Variants in SLC19A2 observed in about 807,000 individuals in gnomAD.
SLC19A2 encodes the protein solute carrier family 19 member 2.
SLC19A2 carries 27 observed loss-of-function variants against 44.7 expected under a neutral mutation model. The ratio of observed to expected loss-of-function variants is 0.60; its 90% CI spans 0.45 to 0.83. The LOEUF (loss-of-function observed/expected upper bound fraction) is 0.83. SLC19A2 is among the 40% of genes least tolerant of loss of function. SLC19A2 has a pLI of 0.00. For synonymous variants in SLC19A2, 239 were observed against 243.6 expected, an observed-to-expected ratio of 0.98 and a Z score of 0.18; for missense variants, 566 against 613.7, an observed-to-expected ratio of 0.92 and a Z score of 0.82.
intron 4 of SLC19A2, 57 bp from the exon 5 acceptor site, chr1:169,468,309 A>G (rs908297602): frequency 1.4e-6 from 2 of 1,399,006 alleles, no homozygotes; most frequent in African/African-American, 1.5e-5. Context: ...TACTTATAAT[A>G]TTTATTCTAA....
intron 1 of SLC19A2, among the ~76,000 whole-genome samples, chr1:169,481,211 C>T (rs1241795823): frequency 6.6e-6 from 1 of 152,212 alleles, no homozygotes; most frequent in African/African-American, 2.4e-5. Flanking sequence ...TTAATCCAAA[C>T]CACAAACCTA....
intron 1 of SLC19A2, among the ~76,000 whole-genome samples, chr1:169,478,293 G>A (rs1473173615): frequency 6.6e-6 from 1 of 151,574 alleles, no homozygotes; most frequent in Admixed American, 6.6e-5. Context: ...TATTCAGAAA[G>A]ACTTTGCGGA....
At chr1:169,481,611 A>T (rs1196607438) in intron 1 of SLC19A2, among the ~76,000 whole-genome samples, 3 of 152,212 alleles carry the variant, frequency 2.0e-5, no homozygotes, top group African/African-American at 7.2e-5. Flanking sequence ...AACATCCTAC[A>T]GGCAAAAATG....
chr1:169,480,777 C>G (rs1658425821), intron 1 of SLC19A2, among the ~76,000 whole-genome samples: 1 of 152,180 alleles, frequency 6.6e-6, no homozygotes, highest in South Asian at 2.1e-4. Context: ...GACCTCTTCA[C>G]TCCAATAATA....
chr1:169,467,130 G>C (rs1658011916), intron 5 of SLC19A2, among the ~76,000 whole-genome samples: 1 of 152,136 alleles, frequency 6.6e-6, no homozygotes, highest in South Asian at 2.1e-4. Context: ...TCCCTCAACT[G>C]TAATAGTCCT....
intron 1 of SLC19A2, among the ~76,000 whole-genome samples, chr1:169,483,696 T>A (rs1288730374): frequency 6.6e-6 from 1 of 152,220 alleles, no homozygotes; most frequent in African/African-American, 2.4e-5. Context: ...CACAGCAACC[T>A]TCTACCCAGA....
chr1:169,470,046 T>C lies in SLC19A2; in HGVS notation c.948A>G (p.Thr316=). ...GCATCACTTTCTCCCACAGGCCCTG[T>C]GTGTAGTTCACAACTTGAAAATAGC... ...TCGYFQVVNY[T]QGLWEKVMPS... The change falls in exon 3 of 6, where the codon ACA becomes ACG. Residue 316 remains threonine, a synonymous_variant. Transcript: ENST00000236137. The C allele has an allele frequency of 6.2e-7, 1 of 1,614,020 alleles. No individual in the cohort carries two copies. Among genetic ancestry groups the C allele is most frequent in the Non-Finnish European group, 8.5e-7 (1 of 1,179,942 alleles).
chr1:169,466,403 G>A (rs1446903567), intron 5 of SLC19A2, among the ~76,000 whole-genome samples: 1 of 150,846 alleles, frequency 6.6e-6, no homozygotes, highest in East Asian at 1.9e-4. Flanking sequence ...GCTGATAGGT[G>A]GGTACAAATA....
At chr1:169,468,529 C>G in intron 4 of SLC19A2, 115 bp downstream of exon 4, 1 of 853,582 alleles carries the variant, frequency 1.2e-6, no homozygotes, top group East Asian at 2.6e-5. Context: ...TAATACAATG[C>G]TTCCTCCCAT....
chr1:169,473,750 T>A (rs1378435780), intron 2 of SLC19A2, among the ~76,000 whole-genome samples: 1 of 140,506 alleles, frequency 7.1e-6, no homozygotes, highest in Non-Finnish European at 1.5e-5. Flanking sequence ...ATGATGATGA[T>A]GAAGATGACC....
intron 1 of SLC19A2, among the ~76,000 whole-genome samples, chr1:169,478,599 C>T (rs963660561): frequency 1.4e-5 from 2 of 142,180 alleles, no homozygotes; most frequent in Non-Finnish European, 3.0e-5. Flanking sequence ...TCTCAAACTC[C>T]TGGGCTCAAA....
intron 1 of SLC19A2, among the ~76,000 whole-genome samples, chr1:169,478,227 C>T (rs1410316906): frequency 6.6e-6 from 1 of 152,122 alleles, no homozygotes; most frequent in East Asian, 1.9e-4. Flanking sequence ...CCAATACCAT[C>T]ATCTTTTTCC....
Position 169,473,726 on chromosome 1 carries a change from C to T in SLC19A2, c.807+3429G>A, listed in dbSNP as rs545109210. The stretch of plus-strand genomic sequence containing the variant: ...TATCTGATACCCAGGTCAAAATAAA[C>T]AGGAGGTGTGATGATGATGATGATG... On this transcript the variant is annotated intron_variant, in intron 2 of 5. Transcript: ENST00000236137. 8.9e-4 allele frequency among the ~76,000 whole-genome samples: 135 copies of T among 151,790 alleles called. 2 individuals are homozygous for T. Among genetic ancestry groups the T allele is most frequent in the Non-Finnish European group, 1.5e-3 (103 of 67,982 alleles).
intron 3 of SLC19A2, among the ~76,000 whole-genome samples, chr1:169,469,580 G>A (rs552974824): frequency 6.6e-6 from 1 of 152,156 alleles, no homozygotes; most frequent in South Asian, 2.1e-4. Flanking sequence ...AATGTCCATA[G>A]AACAGTACCT....
intron 1 of SLC19A2, among the ~76,000 whole-genome samples, chr1:169,484,688 T>G (rs1369698392): frequency 6.6e-6 from 1 of 152,238 alleles, no homozygotes; most frequent in African/African-American, 2.4e-5. Context: ...TGCACTTAAA[T>G]AGGTCAGCAC....
At chr1:169,477,105 G>T (rs375833910) in intron 2 of SLC19A2, 50 bp downstream of exon 2, 1 of 1,609,234 alleles carries the variant, frequency 6.2e-7, no homozygotes, top group South Asian at 1.1e-5. Context: ...TTTTCACCAC[G>T]GGTCCAGCCC....
chr1:169,477,734 T>C lies in SLC19A2; in HGVS notation c.228A>G (p.Val76=), dbSNP rs1658358411. The stretch of plus-strand genomic sequence containing the variant: ...GTAGCACCAGGTAAGAGTAAGTCCA[T>C]ACTGGATAAATTTCATTGAAGACCT... ...EREVFNEIYP[V]WTYSYLVLLF... Residue 76 remains valine, a synonymous_variant, in exon 2 of 6, where the codon GTA becomes GTG. Transcript: ENST00000236137. The C allele has an allele frequency of 1.2e-6, 2 of 1,610,294 alleles. No individual in the cohort carries two copies. The highest frequency in any genetic ancestry group is 1.7e-6 in the Non-Finnish European group (2 of 1,178,850).
At chr1:169,484,626 TCA>T (rs1293307375) in intron 1 of SLC19A2, among the ~76,000 whole-genome samples, 1 of 152,360 alleles carries the variant, frequency 6.6e-6, no homozygotes, top group East Asian at 1.9e-4. Context: ...AATTTCTTTC[TCA>T]GTTTATATAT....
At chr1:169,485,282 C>T (rs1658528383) in intron 1 of SLC19A2, among the ~76,000 whole-genome samples, 1 of 152,354 alleles carries the variant, frequency 6.6e-6, no homozygotes, top group African/African-American at 2.4e-5. Flanking sequence ...TGGGCAGTCA[C>T]GCTAAGCCAC....
Sources: gnomAD v4.1 joint callset for allele counts (sites outside exome capture counted in the v4.1 genomes callset) on GRCh38, gnomAD v4.1.1 for gene constraint, MANE v1.5 for transcripts, NCBI Gene and HGNC (gene_info 2026-07-23, HGNC 2026-07-21) for gene names.